Variants in SNX19 observed in about 807,000 individuals in gnomAD.
The protein encoded by SNX19 is sorting nexin 19, also known as sorting nexin-19.
Under a neutral mutation model 85.2 loss-of-function variants are expected in SNX19, and 60 were observed. The ratio of observed to expected loss-of-function variants is 0.70; its 90% CI spans 0.57 to 0.87. The LOEUF is 0.87. SNX19 is among the 40% of genes least tolerant of loss of function. SNX19 has a pLI of 0.00. For synonymous variants in SNX19, 520 were observed against 470.0 expected, an observed-to-expected ratio of 1.11 and a Z score of -1.38; for missense variants, 1,201 against 1,217.8, an observed-to-expected ratio of 0.99 and a Z score of 0.21.
In SNX19 at chr11:130,911,619, G is replaced by C. The variant is rs1397999833; in HGVS notation, c.1813+14C>G. 1.9e-6 allele frequency: 3 copies of C among 1,613,926 alleles called. No individual in the cohort carries two copies. The highest frequency in any genetic ancestry group is 2.5e-6 in the Non-Finnish European group (3 of 1,179,924). On this transcript the variant is annotated intron_variant, in intron 2 of 10. Coordinates refer to ENST00000265909, the MANE Select transcript of SNX19 (RefSeq NM_014758.3). ...GGAAGCAAGCGGGCAGTAGGGGTTG[G>C]GGAAACTCCTGACTTTTGATGAACT...
intron 8 of SNX19, among the ~76,000 whole-genome samples, chr11:130,898,261 T>C (rs1213224872): frequency 1.3e-5 from 2 of 152,054 alleles, no homozygotes; most frequent in Admixed American, 6.6e-5. Flanking sequence ...AAGATGGGTA[T>C]ACAAAGTTGG....
Position 130,910,265 on chromosome 11 carries a change from C to A in SNX19, c.1914+5G>T. The A allele has an allele frequency of 6.2e-7, 1 of 1,613,238 alleles. No homozygotes were observed. On this transcript the variant is annotated splice_donor_5th_base_variant and intron_variant, in intron 3 of 10. Coordinates refer to ENST00000265909, the MANE Select transcript of SNX19 (RefSeq NM_014758.3). ...AGAACAAGGCCAAAAGAGAAGGATGCTGACCTTTAGGAATGATTCTAGGAG... is the reference window on the plus strand; with the variant it reads ...AGAACAAGGCCAAAAGAGAAGGATGATGACCTTTAGGAATGATTCTAGGAG...
At chr11:130,901,404 A>G (rs1945249877) in intron 8 of SNX19, among the ~76,000 whole-genome samples, 1 of 152,198 alleles carries the variant, frequency 6.6e-6, no homozygotes, top group Non-Finnish European at 1.5e-5. Context: ...CACAGAATAA[A>G]TGACATTTTA....
intron 7 of SNX19, among the ~76,000 whole-genome samples, chr11:130,903,654 TTATA>T (rs1226755885): frequency 2.0e-5 from 3 of 150,746 alleles, no homozygotes; most frequent in Non-Finnish European, 2.9e-5. Flanking sequence ...TATCTTCTAA[TTATA>T]TATATATCTG....
intron 6 of SNX19, 100 bp from the exon 7 acceptor site, chr11:130,906,233 T>C: frequency 1.6e-6 from 2 of 1,272,078 alleles, no homozygotes; most frequent in Non-Finnish European, 1.1e-6. Context: ...ATAAGTACCT[T>C]GGGTATAAAA....
At chr11:130,893,369 G>A (rs765102240) in intron 8 of SNX19, among the ~76,000 whole-genome samples, 10 of 152,154 alleles carry the variant, frequency 6.6e-5, no homozygotes, top group Non-Finnish European at 1.5e-5. Context: ...ATGGCTACAG[G>A]AGGCTGGAAA....
chr11:130,904,895 T>C lies in SNX19; in HGVS notation c.2443+1058A>G, dbSNP rs187943692. On this transcript the variant is annotated intron_variant, in intron 7 of 10. Transcript: ENST00000265909. ...TTAGAGTTCTCTGATGCTTTCACTG[T>C]CATATCACTTCATTTAGTTAACTGT... 1.2e-3 allele frequency among the ~76,000 whole-genome samples: 187 copies of C among 152,260 alleles called. 4 individuals are homozygous for C. The highest frequency in any genetic ancestry group is 0.012 in the Admixed American group (186 of 15,304).
In SNX19 at chr11:130,906,119, T is replaced by TA. The variant is rs777957359; in HGVS notation, c.2276dup (p.Ser760IlefsTer10). On this transcript the variant is annotated frameshift_variant, in exon 7 of 11. Transcript: ENST00000265909. LOFTEE classifies it high-confidence loss of function. Reference sequence around the variant, plus strand: ...TAAAAGATTCCATCGCAGACATGGATAGAGTCTCAGACTCCTAAGAAATAG... The same window carrying TA: ...TAAAAGATTCCATCGCAGACATGGATAAGAGTCTCAGACTCCTAAGAAATAG... The TA allele has an allele frequency of 6.2e-7, 1 of 1,613,936 alleles. No homozygotes were observed. Among genetic ancestry groups the TA allele is most frequent in the Admixed American group, 1.7e-5 (1 of 60,012 alleles).
Position 130,915,684 on chromosome 11 carries a change from C to T in SNX19, c.256G>A (p.Ala86Thr), listed in dbSNP as rs766879112. The T allele has an allele frequency of 2.5e-6, 4 of 1,614,138 alleles. No homozygotes were observed. Among genetic ancestry groups the T allele is most frequent in the African/African-American group, 1.3e-5 (1 of 74,950 alleles). Residue 86 changes from alanine (A) to threonine (T), a missense_variant, in exon 1 of 11, where the codon GCC becomes ACC. Physicochemically the swap from Ala to Thr is moderately conservative, Grantham distance 58. Around this residue, in one of 3 missense-constraint regions of SNX19, gnomAD observed 791 missense variants for 750.9 expected, o/e 1.05. Coordinates refer to ENST00000265909, the MANE Select transcript of SNX19 (RefSeq NM_014758.3). Reference protein sequence around the residue: ...RLHLERFIPLATCPPCPEAER... With the variant: ...RLHLERFIPLTTCPPCPEAER... ...GCCTCAGGGCATGGAGGACAGGTGGCCAACGGGATGAAGCGTTCCAGATGC... is the reference window on the plus strand; with the variant it reads ...GCCTCAGGGCATGGAGGACAGGTGGTCAACGGGATGAAGCGTTCCAGATGC...
At position 130,915,237 on chromosome 11, in the gene SNX19, G is replaced by A. The variant is rs751279858; in HGVS notation, c.703C>T (p.Arg235Cys). 9 of 1,614,104 alleles carry A rather than the reference G, an allele frequency of 5.6e-6. No individual in the cohort carries two copies. Among genetic ancestry groups the A allele is most frequent in the South Asian group, 3.3e-5 (3 of 91,092 alleles). ...PKPHLETRTG[R>C]HVVVELITCN... ...GTGATGAGTTCGACCACTACATGGC[G>A]TCCGGTACGAGTCTCCAAGTGGGGC... Residue 235 changes from arginine to cysteine, a missense_variant, in exon 1 of 11, where the codon CGC (arginine) becomes TGC (cysteine). Coordinates refer to ENST00000265909, the MANE Select transcript of SNX19 (RefSeq NM_014758.3).
intron 8 of SNX19, chr11:130,894,598 GCCACC>G: frequency 2.0e-6 from 2 of 977,878 alleles, no homozygotes; most frequent in Non-Finnish European, 2.4e-6. Context: ...AACCTGCAGC[GCCACC>G]TGGTGCCCAT....
At chr11:130,899,114 A>G (rs913187919) in intron 8 of SNX19, among the ~76,000 whole-genome samples, 2 of 152,352 alleles carry the variant, frequency 1.3e-5, no homozygotes, top group African/African-American at 4.8e-5. Context: ...ATTAAATGGT[A>G]TTAAGTTGGT....
chr11:130,899,443 AG>A (rs1945106359), intron 8 of SNX19, among the ~76,000 whole-genome samples: 1 of 152,172 alleles, frequency 6.6e-6, no homozygotes, highest in Non-Finnish European at 1.5e-5. Context: ...ACCAGCTATA[AG>A]GTACTTCAGA....
At chr11:130,888,773 AT>A (rs1944279911) in intron 8 of SNX19, among the ~76,000 whole-genome samples, 1 of 152,186 alleles carries the variant, frequency 6.6e-6, no homozygotes, top group African/African-American at 2.4e-5. Flanking sequence ...TTAAATATAA[AT>A]TTGTTAAGTT....
rs771801321 is a variant in SNX19 at position 130,875,699 on chromosome 11, T to A, written c.*2723A>T. ...TCACACACTGGGGCCTGTTGTGAGG[T>A]CGGGGGAGGGGGAAGGGATAGCATC... On this transcript the variant is annotated 3_prime_UTR_variant, in exon 11 of 11. Transcript: ENST00000265909. 3.2e-4 allele frequency: 33 copies of A among 101,862 alleles called. No individual in the cohort carries two copies. The highest frequency in any genetic ancestry group is 6.5e-4 in the Non-Finnish European group (30 of 46,484). 6.3% of individuals were successfully genotyped at this position (101,862 alleles called of 1,614,324 possible). A position where few individuals can be genotyped will look rare whatever the true frequency, so the allele number is the denominator to read the frequency against.
chr11:130,884,394 C>A (rs1236681077), intron 8 of SNX19, among the ~76,000 whole-genome samples: 1 of 151,862 alleles, frequency 6.6e-6, no homozygotes, highest in African/African-American at 2.4e-5. Flanking sequence ...GATTCGTAAC[C>A]CTATAGAGCT....
At position 130,872,548 on chromosome 11, in the gene SNX19, C is replaced by G. The variant is rs1943069596; in HGVS notation, c.*5874G>C. Among the ~76,000 whole-genome samples the G allele has an allele frequency of 6.6e-6, 1 of 151,856 alleles. No individual in the cohort carries two copies. Among genetic ancestry groups the G allele is most frequent in the South Asian group, 2.1e-4 (1 of 4,812 alleles). ...TAGGATGTGGACATCATGTTTGGGG[C>G]AATGTCTCCCTCACCGCCTCTCTCA... On this transcript the variant is annotated 3_prime_UTR_variant, in exon 11 of 11. Coordinates refer to ENST00000265909, the MANE Select transcript of SNX19 (RefSeq NM_014758.3).
At chr11:130,884,016 T>C (rs1943875806) in intron 8 of SNX19, among the ~76,000 whole-genome samples, 1 of 152,204 alleles carries the variant, frequency 6.6e-6, no homozygotes, top group African/African-American at 2.4e-5. Context: ...TTGGTATACT[T>C]TGCCTTGCCC....
chr11:130,883,430 C>T (rs943475099), intron 8 of SNX19, among the ~76,000 whole-genome samples: 8 of 152,024 alleles, frequency 5.3e-5, no homozygotes, highest in African/African-American at 1.9e-4. Flanking sequence ...AAAGTCAGGC[C>T]CAGGAATATA....
Sources: gnomAD v4.1 joint callset for allele counts (sites outside exome capture counted in the v4.1 genomes callset) on GRCh38, gnomAD v4.1.1 for gene constraint, gnomAD v4.1.1 regional missense constraint, MANE v1.5 for transcripts, NCBI Gene and HGNC (gene_info 2026-07-23, HGNC 2026-07-21) for gene names.